CEP295: variants seen among roughly 807,000 people sequenced by gnomAD.
CEP295 encodes centrosomal protein of 295 kDa.
CEP295 carries 190 observed loss-of-function variants against 291.6 expected under a neutral mutation model. The observed-to-expected ratio is 0.65, with a 90% CI of 0.58 to 0.73. The LOEUF is 0.73. Among genes scored for constraint, CEP295 ranks in the 30% least tolerant of loss-of-function variants. CEP295 has a pLI of 0.00. For missense variants in CEP295, 2,863 were observed against 2,949.4 expected (o/e 0.97, Z 0.68); for synonymous variants, 993 against 1,038.8 (o/e 0.96, Z 0.85).
chr11:93,697,132 C>G lies in CEP295; in HGVS notation c.2220C>G (p.Asp740Glu). ...CACTTTCAAGGGCTTTGTCACATGA[C>G]AGGCAGCTAATATCACAGGATGCTA... ...SETLSRALSH[D>E]RQLISQDARK... Residue 740 changes from aspartate to glutamate, a missense_variant, in exon 15 of 30, where the codon GAC becomes GAG. This residue lies in a region of CEP295 where 2,295 missense variants were observed against 2,335.7 expected (regional missense o/e 0.98). Coordinates refer to ENST00000325212, the MANE Select transcript of CEP295 (RefSeq NM_033395.2). 1 of 1,551,864 alleles carries G rather than the reference C, an allele frequency of 6.4e-7. No homozygotes were observed. The highest frequency in any genetic ancestry group is 2.4e-5 in the East Asian group (1 of 40,918).
intron 18 of CEP295, among the ~76,000 whole-genome samples, chr11:93,720,949 C>A (rs1394368788): frequency 6.6e-6 from 1 of 152,102 alleles, no homozygotes; most frequent in African/African-American, 2.4e-5. Flanking sequence ...ATCTTTAGGA[C>A]CACACTGTGT....
rs371000677 is a variant in CEP295, at chr11:93,729,935, A to G, written c.7633A>G (p.Thr2545Ala). 1.5e-5 allele frequency: 24 copies of G among 1,548,878 alleles called. No individual in the cohort carries two copies. Among genetic ancestry groups the G allele is most frequent in the Non-Finnish European group, 2.0e-5 (23 of 1,146,482 alleles). ...VRASFPEDRKTTQALRHQRGL... is the reference protein window; with the variant it reads ...VRASFPEDRKATQALRHQRGL... ...AGCATCTTTTCCTGAAGACAGAAAG[A>G]CTACACAGGCTCTAAGGCACCAAAG... Residue 2545 changes from threonine (T) to alanine (A), a missense_variant, in exon 28 of 30, where the codon ACT (threonine) becomes GCT (alanine). By Grantham distance (58) the Thr-to-Ala change is moderately conservative (BLOSUM62 0). Transcript: ENST00000325212.
chr11:93,663,654 G>T (rs1950084683), intron 1 of CEP295, among the ~76,000 whole-genome samples: 1 of 152,090 alleles, frequency 6.6e-6, no homozygotes, highest in Admixed American at 6.5e-5. Context: ...GGGCAAATGG[G>T]AATTCTAAGC....
chr11:93,727,749 A>G, intron 24 of CEP295, 112 bp downstream of exon 24: 2 of 834,072 alleles, frequency 2.4e-6, no homozygotes, highest in South Asian at 3.8e-5. Flanking sequence ...GCTGAACTCA[A>G]ACTCCTAGGA....
intron 19 of CEP295, 46 bp downstream of exon 19, chr11:93,721,458 T>C (rs1271357602): frequency 1.7e-5 from 20 of 1,169,564 alleles, no homozygotes; most frequent in Non-Finnish European, 2.3e-5. Context: ...GCTGTTTGGC[T>C]TCGTATTCTC....
chr11:93,701,615 T>A (rs1041006354), intron 15 of CEP295, among the ~76,000 whole-genome samples: 3 of 152,108 alleles, frequency 2.0e-5, no homozygotes, highest in Non-Finnish European at 4.4e-5. Context: ...GTTTGTTTGT[T>A]TGTTTTTGAG....
chr11:93,670,688 G>A (rs1950400442), intron 5 of CEP295, among the ~76,000 whole-genome samples: 1 of 152,118 alleles, frequency 6.6e-6, no homozygotes, highest in African/African-American at 2.4e-5. Flanking sequence ...AGACGGAAAA[G>A]TTGTATTTCA....
Position 93,695,486 on chromosome 11 carries a change from T to C in CEP295, c.1534-11T>C. 7.0e-7 allele frequency: 1 copy of C among 1,427,544 alleles called. No homozygotes were observed. The highest frequency in any genetic ancestry group is 9.1e-7 in the Non-Finnish European group (1 of 1,093,938). The allele number at this position is 1,427,544 out of a possible 1,614,324, so 88.4% of individuals were successfully genotyped here. ...TTGTTGTTAATAGATCAATAGTATT[T>C]TGTTACCTAGATAATGGAAATAGAA... On this transcript the variant is annotated splice_polypyrimidine_tract_variant and intron_variant, in intron 12 of 29. Transcript: ENST00000325212.
intron 24 of CEP295, 49 bp downstream of exon 24, chr11:93,727,686 A>G (rs1011046801): frequency 7.1e-7 from 1 of 1,413,610 alleles, no homozygotes; most frequent in Non-Finnish European, 9.4e-7. Context: ...CCTTTTTGGG[A>G]AAAAACTTTT....
chr11:93,728,650 A>T (rs1937767286), intron 24 of CEP295, 31 bp from the exon 25 acceptor site: 1 of 1,504,626 alleles, frequency 6.6e-7, no homozygotes, highest in South Asian at 1.3e-5. Context: ...GGCTATTTTG[A>T]CATGGTTTTC....
At chr11:93,716,113 G>A (rs1953222563) in intron 18 of CEP295, among the ~76,000 whole-genome samples, 1 of 152,158 alleles carries the variant, frequency 6.6e-6, no homozygotes, top group Admixed American at 6.5e-5. Context: ...AGTTTGTTTA[G>A]GACTCCAGAG....
At chr11:93,690,957 T>G (rs1255276243) in intron 10 of CEP295, among the ~76,000 whole-genome samples, 5 of 152,210 alleles carry the variant, frequency 3.3e-5, no homozygotes, top group African/African-American at 1.2e-4. Context: ...TGGCTGGTTC[T>G]TCCTTACCTT....
intron 1 of CEP295, among the ~76,000 whole-genome samples, chr11:93,661,982 C>T (rs929248300): frequency 6.6e-6 from 1 of 152,188 alleles, no homozygotes; most frequent in Non-Finnish European, 1.5e-5. Flanking sequence ...CGGACCAGAC[C>T]CGGTAACTCA....
At chr11:93,729,560 A>G in intron 26 of CEP295, 30 bp downstream of exon 26, 1 of 1,550,106 alleles carries the variant, frequency 6.5e-7, no homozygotes, top group Non-Finnish European at 8.7e-7. Context: ...CACACTTCTA[A>G]TGGAAAGTAG....
chr11:93,689,196 T>C (rs1366183276), intron 10 of CEP295, among the ~76,000 whole-genome samples: 1 of 152,182 alleles, frequency 6.6e-6, no homozygotes, highest in Non-Finnish European at 1.5e-5. Context: ...AGTGGTCCTC[T>C]TAAAAACAAG....
chr11:93,700,262 G>A, intron 15 of CEP295, 76 bp downstream of exon 15: 2 of 1,247,136 alleles, frequency 1.6e-6, no homozygotes, highest in Non-Finnish European at 2.2e-6. Context: ...AGGATTACAA[G>A]TTTTCAGTTA....
Position 93,698,709 on chromosome 11 carries a change from C to T in CEP295, c.3797C>T (p.Thr1266Ile), listed in dbSNP as rs1951975294. ...GAGGAACACCAAGCATGGCTAGACA[C>T]TGAGAAAGAAGCCTTTCATTTCAGC... is the stretch of plus-strand genomic sequence containing the variant. ...NLEEHQAWLD[T>I]EKEAFHFSQK... Residue 1266 changes from threonine to isoleucine, a missense_variant, in exon 15 of 30, where the codon ACT becomes ATT. Physicochemically the swap from Thr to Ile is moderately conservative, Grantham distance 89. This residue lies in a region of CEP295 where 2,295 missense variants were observed against 2,335.7 expected (regional missense o/e 0.98). Coordinates refer to ENST00000325212, the MANE Select transcript of CEP295 (RefSeq NM_033395.2). 6.4e-7 allele frequency: 1 copy of T among 1,551,308 alleles called. No homozygotes were observed. The highest frequency in any genetic ancestry group is 1.2e-5 in the South Asian group (1 of 84,064).
Position 93,698,807 on chromosome 11 carries a change from T to C in CEP295, c.3895T>C (p.Ser1299Pro). The part of the protein sequence containing the change: ...SSFIPQLVQL[S>P]FTSLASAESG... ...ATTCATACCCCAGTTGGTACAGCTT[T>C]CATTTACTTCGTTAGCTTCAGCTGA... Residue 1299 changes from serine (S) to proline (P), a missense_variant, in exon 15 of 30, where the codon TCA (serine) becomes CCA (proline). Around this residue, in one of 3 missense-constraint regions of CEP295, gnomAD observed 2,295 missense variants for 2,335.7 expected, o/e 0.98. Coordinates refer to ENST00000325212, the MANE Select transcript of CEP295 (RefSeq NM_033395.2). 6.4e-7 allele frequency: 1 copy of C among 1,551,742 alleles called. No individual in the cohort carries two copies. The highest frequency in any genetic ancestry group is 8.7e-7 in the Non-Finnish European group (1 of 1,146,998).
At chr11:93,716,047 C>T (rs1401845238) in intron 18 of CEP295, among the ~76,000 whole-genome samples, 1 of 152,140 alleles carries the variant, frequency 6.6e-6, no homozygotes, top group East Asian at 1.9e-4. Context: ...CCCAGCACAG[C>T]ACTAGGACTT....
Sources: allele counts gnomAD v4.1 joint callset (sites outside exome capture counted in the v4.1 genomes callset), GRCh38; gene constraint gnomAD v4.1.1; regional missense constraint gnomAD v4.1.1; transcripts MANE v1.5; gene names NCBI Gene and HGNC (gene_info 2026-07-23, HGNC 2026-07-21).